Variants in APCDD1L observed in about 807,000 individuals in gnomAD.
APCDD1L encodes APC down-regulated 1 like, also known as protein APCDD1-like.
APCDD1L carries 21 observed loss-of-function variants against 24.2 expected under a neutral mutation model. The ratio of observed to expected loss-of-function variants is 0.87; its 90% CI spans 0.61 to 1.25. APCDD1L has a LOEUF of 1.25. Ranked by LOEUF, APCDD1L falls within the 50% of genes most tolerant of loss-of-function variation. APCDD1L has a pLI of 0.00. For synonymous variants in APCDD1L, 321 were observed against 323.6 expected, an observed-to-expected ratio of 0.99 and a Z score of 0.09; for missense variants, 704 against 711.7, an observed-to-expected ratio of 0.99 and a Z score of 0.12.
intron 1 of APCDD1L, among the ~76,000 whole-genome samples, chr20:58,477,322 G>A (rs537948546): frequency 6.6e-6 from 1 of 152,212 alleles, no homozygotes; most frequent in Admixed American, 6.5e-5. Flanking sequence ...TTCAATCTGA[G>A]ACATATCTTC....
chr20:58,484,287 C>A (rs138357143), intron 1 of APCDD1L, among the ~76,000 whole-genome samples: 18 of 152,332 alleles, frequency 1.2e-4, no homozygotes, highest in African/African-American at 4.1e-4. Flanking sequence ...TCCACAGTCA[C>A]CTAACCCAGA....
intron 1 of APCDD1L, among the ~76,000 whole-genome samples, chr20:58,480,586 C>T (rs1340881708): frequency 2.0e-5 from 3 of 152,154 alleles, no homozygotes; most frequent in Non-Finnish European, 4.4e-5. Context: ...TATGAGGAAG[C>T]GGCTGGCCAC....
rs1990560547 is a variant in APCDD1L at position 58,508,363 on chromosome 20, G to T, written c.49+6296C>A. Reference sequence around the variant, plus strand: ...AGATGACTGTCACATGGGGATCAAGGAGCACAGGGAGGGGAGAGCACAGAG... The same window carrying T: ...AGATGACTGTCACATGGGGATCAAGTAGCACAGGGAGGGGAGAGCACAGAG... On this transcript the variant is annotated intron_variant, in intron 1 of 3. Coordinates refer to ENST00000371149, the MANE Select transcript of APCDD1L (RefSeq NM_153360.3). The surrounding 1 kb of genome is among the most constrained non-coding windows in gnomAD (Gnocchi z 4.0). Among the ~76,000 whole-genome samples, 1 of 152,184 alleles carries T rather than the reference G, an allele frequency of 6.6e-6. No individual in the cohort carries two copies. Among genetic ancestry groups the T allele is most frequent in the Admixed American group, 6.5e-5 (1 of 15,286 alleles).
At chr20:58,489,733 C>A (rs557940040) in intron 1 of APCDD1L, among the ~76,000 whole-genome samples, 2 of 151,508 alleles carry the variant, frequency 1.3e-5, no homozygotes, top group Admixed American at 1.3e-4. Flanking sequence ...TTTACATAAA[C>A]TCGTCCAGAA....
intron 1 of APCDD1L, among the ~76,000 whole-genome samples, chr20:58,493,996 A>G (rs1990272404): frequency 6.6e-6 from 1 of 152,276 alleles, no homozygotes; most frequent in Non-Finnish European, 1.5e-5. Context: ...TATGTATTAT[A>G]TACTGTATTC....
At chr20:58,499,992 T>G (rs1334384611) in intron 1 of APCDD1L, among the ~76,000 whole-genome samples, 1 of 152,156 alleles carries the variant, frequency 6.6e-6, no homozygotes, top group African/African-American at 2.4e-5. Flanking sequence ...ACCAAGATTG[T>G]TTTTTTAAAA....
At chr20:58,491,980 C>T (rs970003233) in intron 1 of APCDD1L, among the ~76,000 whole-genome samples, 1 of 152,124 alleles carries the variant, frequency 6.6e-6, no homozygotes, top group Non-Finnish European at 1.5e-5. Context: ...GAGGGCTGGT[C>T]AAGAAATAGA....
intron 1 of APCDD1L, among the ~76,000 whole-genome samples, chr20:58,483,209 C>T (rs1990056853): frequency 6.6e-6 from 1 of 152,046 alleles, no homozygotes; most frequent in Admixed American, 6.6e-5. Flanking sequence ...GTAATTAGTC[C>T]ATGTGTGATG....
intron 1 of APCDD1L, among the ~76,000 whole-genome samples, chr20:58,479,906 T>C (rs890553508): frequency 6.6e-6 from 1 of 152,110 alleles, no homozygotes; most frequent in Non-Finnish European, 1.5e-5. Flanking sequence ...TCCAATGAAG[T>C]CACTGCACAA....
chr20:58,496,667 C>T (rs911385981), intron 1 of APCDD1L, among the ~76,000 whole-genome samples: 9 of 152,172 alleles, frequency 5.9e-5, no homozygotes, highest in Admixed American at 5.2e-4. Context: ...GCAGACAGGC[C>T]GGGAGGGTGC....
At chr20:58,509,017 TGG>T (rs1491510830) in intron 1 of APCDD1L, among the ~76,000 whole-genome samples, 1 of 151,414 alleles carries the variant, frequency 6.6e-6, no homozygotes, top group Non-Finnish European at 1.5e-5. Flanking sequence ...TGTGTGTGTG[TGG>T]AGTCAACGAG....
At chr20:58,490,928 A>G (rs1290084724) in intron 1 of APCDD1L, among the ~76,000 whole-genome samples, 1 of 152,220 alleles carries the variant, frequency 6.6e-6, no homozygotes, top group Non-Finnish European at 1.5e-5. Context: ...TGTAAAGATA[A>G]CACATTATGT....
rs146849757 is a variant in APCDD1L, at chr20:58,470,001, G to A, written c.188+608C>T. ...CAAAGTCCATTGGCCGCAAAGCAGC[G>A]ACTGAGCCTCTGAAATGTCGAGTGA... On this transcript the variant is annotated intron_variant, in intron 2 of 3. Transcript: ENST00000371149. Among the ~76,000 whole-genome samples, 284 of 152,336 alleles carry A rather than the reference G, an allele frequency of 1.9e-3. 9 individuals are homozygous for A. In the South Asian group the frequency reaches 0.029, roughly 16 times the overall value.
intron 1 of APCDD1L, among the ~76,000 whole-genome samples, chr20:58,485,415 T>A (rs1012925768): frequency 1.3e-5 from 2 of 152,224 alleles, no homozygotes; most frequent in African/African-American, 4.8e-5. Flanking sequence ...AAGTTTTCAT[T>A]TTTACAAGTC....
chr20:58,467,697 A>G lies in APCDD1L; in HGVS notation c.189-39T>C. ...AGGAGATGGGCTGGGTGCAGAGGGA[A>G]CACCGCGCCGCGAGCCCCTCTCCCC... On this transcript the variant is annotated intron_variant, in intron 2 of 3. Transcript: ENST00000371149. The surrounding 1 kb of genome is among the most constrained non-coding windows in gnomAD (Gnocchi z 5.9). The G allele has an allele frequency of 7.0e-7, 1 of 1,420,584 alleles. No individual in the cohort carries two copies. The highest frequency in any genetic ancestry group is 9.2e-7 in the Non-Finnish European group (1 of 1,086,060). The allele number at this position is 1,420,584 out of a possible 1,614,324, so 88.0% of individuals were successfully genotyped here.
chr20:58,472,834 G>A (rs577526037), intron 1 of APCDD1L, among the ~76,000 whole-genome samples: 5 of 152,302 alleles, frequency 3.3e-5, no homozygotes, highest in Admixed American at 3.3e-4. Flanking sequence ...TTTGTGGCAG[G>A]ATATTGTAGT....
At chr20:58,474,946 T>A (rs1338252212) in intron 1 of APCDD1L, among the ~76,000 whole-genome samples, 1 of 152,180 alleles carries the variant, frequency 6.6e-6, no homozygotes, top group Non-Finnish European at 1.5e-5. Flanking sequence ...ATTTGCCTAT[T>A]CTGGATATTT....
chr20:58,477,684 AC>A (rs1458400653), intron 1 of APCDD1L, among the ~76,000 whole-genome samples: 1 of 152,218 alleles, frequency 6.6e-6, no homozygotes, highest in African/African-American at 2.4e-5. Context: ...ACATTCCCTC[AC>A]TAATTTTAGC....
In APCDD1L at chr20:58,461,564, GACAA is replaced by G. The variant is rs777049942; in HGVS notation, c.742-14_742-11del. The G allele has an allele frequency of 3.5e-6, 5 of 1,414,832 alleles. No individual in the cohort carries two copies. The African/African-American group carries it at 7.2e-5, about 20-fold the overall frequency. 87.6% of individuals were successfully genotyped at this position (1,414,832 alleles called of 1,614,324 possible). A position where few individuals can be genotyped will look rare whatever the true frequency, so the allele number is the denominator to read the frequency against. ...ACGGCTGCACGTGGTGCTGGCAAAA[GACAA>G]ACAGAAAAACGGTGGTTGTCCCACA... is the stretch of plus-strand genomic sequence containing the variant. On this transcript the variant is annotated splice_polypyrimidine_tract_variant and intron_variant, in intron 3 of 3. Coordinates refer to ENST00000371149, the MANE Select transcript of APCDD1L (RefSeq NM_153360.3). The surrounding 1 kb of genome is among the most constrained non-coding windows in gnomAD (Gnocchi z 6.0).
Sources: allele counts gnomAD v4.1 joint callset (sites outside exome capture counted in the v4.1 genomes callset), GRCh38; gene constraint gnomAD v4.1.1; non-coding constraint Gnocchi (gnomAD v3.1); transcripts MANE v1.5; gene names NCBI Gene and HGNC (gene_info 2026-07-23, HGNC 2026-07-21).